PGAP2: variants seen among roughly 807,000 people sequenced by gnomAD.
PGAP2 encodes post-GPI attachment to proteins 2.
In PGAP2, 21 loss-of-function variants were observed where a neutral mutation model predicts 33.2. That is an observed-to-expected ratio of 0.63 (90% CI 0.45 to 0.91). The LOEUF (loss-of-function observed/expected upper bound fraction) is 0.91. Among genes scored for constraint, PGAP2 ranks in the 40% least tolerant of loss-of-function variants. PGAP2 has a pLI of 0.00. For synonymous variants in PGAP2, 161 were observed against 172.9 expected, an observed-to-expected ratio of 0.93 and a Z score of 0.54; for missense variants, 345 against 424.0, an observed-to-expected ratio of 0.81 and a Z score of 1.64.
intron 3 of PGAP2, chr11:3,823,039 TTTTTTTTTTTTTTTTG>T: frequency 1.7e-6 from 1 of 572,718 alleles, no homozygotes; most frequent in Non-Finnish European, 2.7e-6. Flanking sequence ...TTTTTTTTTT[TTTTTTTTTTTTTTTTG>T]AGACAGAGTC....
At position 3,822,763 on chromosome 11, in the gene PGAP2, C is replaced by T. The variant is rs943218040; in HGVS notation, c.349-1120C>T. 3.3e-5 allele frequency: 17 copies of T among 512,270 alleles called. No individual in the cohort carries two copies. In the South Asian group the frequency reaches 4.3e-4, roughly 13 times the overall value. 31.7% of individuals were successfully genotyped at this position (512,270 alleles called of 1,614,324 possible). A position where few individuals can be genotyped will look rare whatever the true frequency, so the allele number is the denominator to read the frequency against. On this transcript the variant is annotated intron_variant, in intron 3 of 6. Coordinates refer to ENST00000278243, the MANE Select transcript of PGAP2 (RefSeq NM_014489.4). Reference sequence around the variant, plus strand: ...AAGTTTGTGAAGCACTGCTCTAGGCCCTGGAGTCTAAGAGAGCCTCTTCCC... The same window carrying T: ...AAGTTTGTGAAGCACTGCTCTAGGCTCTGGAGTCTAAGAGAGCCTCTTCCC...
chr11:3,799,535 A>G (rs147188860), intron 1 of PGAP2, among the ~76,000 whole-genome samples: 1 of 152,176 alleles, frequency 6.6e-6, no homozygotes, highest in African/African-American at 2.4e-5. Context: ...AAAAATTTTT[A>G]AAAAACCTCC....
At position 3,825,574 on chromosome 11, in the gene PGAP2, G is replaced by T. The variant is rs576196225; in HGVS notation, c.*116G>T. 8.6e-6 allele frequency: 10 copies of T among 1,162,556 alleles called. No homozygotes were observed. Among genetic ancestry groups the T allele is most frequent in the African/African-American group, 1.5e-5 (1 of 64,986 alleles). The allele number at this position is 1,162,556 out of a possible 1,614,324, so 72.0% of individuals were successfully genotyped here. ...TTGGCCTTACTGAAGATGGGGGAAG[G>T]GTAAGAAGGAAGGGTGTAGGCCAAG... On this transcript the variant is annotated 3_prime_UTR_variant, in exon 7 of 7. Coordinates refer to ENST00000278243, the MANE Select transcript of PGAP2 (RefSeq NM_014489.4).
chr11:3,824,168 T>C (rs199812127), intron 4 of PGAP2, 33 bp downstream of exon 4: 437 of 1,613,504 alleles, frequency 2.7e-4, no homozygotes, highest in Non-Finnish European at 3.6e-4. Flanking sequence ...AGTGGGGAAG[T>C]GTTCCCTGAG....
intron 3 of PGAP2, 46 bp downstream of exon 3, chr11:3,817,581 G>C: frequency 1.3e-6 from 2 of 1,492,212 alleles, no homozygotes; most frequent in Non-Finnish European, 1.9e-6. Context: ...AGGTCAGGAG[G>C]TGGCAGTTAG....
chr11:3,813,987 T>G (rs2086186810), intron 2 of PGAP2, among the ~76,000 whole-genome samples: 1 of 152,126 alleles, frequency 6.6e-6, no homozygotes, highest in African/African-American at 2.4e-5. Context: ...CAGTACTAGG[T>G]CTGTGACCCT....
Position 3,814,748 on chromosome 11 carries a change from TTTTCTTTCTTTCTTTCTTTC to T in PGAP2, c.166-2559_166-2540del, listed in dbSNP as rs57460101. 7.7e-3 allele frequency among the ~76,000 whole-genome samples: 866 copies of T among 112,610 alleles called. 5 individuals are homozygous for T. The highest frequency in any genetic ancestry group is 0.013 in the African/African-American group (392 of 30,478). The allele number at this position is 112,610 out of a possible 152,430, so 73.9% of individuals were successfully genotyped here. A position where few individuals can be genotyped will look rare whatever the true frequency, so the allele number is the denominator to read the frequency against. On this transcript the variant is annotated intron_variant, in intron 2 of 6. Transcript: ENST00000278243. ...CTTTCCTTCTTTCCTTCTTTCCTTCTTTTCTTTCTTTCTTTCTTTCTTTCTTTCTTTCTTTCTTTCTTTCT... is the reference window on the plus strand; with the variant it reads ...CTTTCCTTCTTTCCTTCTTTCCTTCTTTTCTTTCTTTCTTTCTTTCTTTCT...
At chr11:3,813,507 C>T (rs1452558876) in intron 2 of PGAP2, among the ~76,000 whole-genome samples, 1 of 152,178 alleles carries the variant, frequency 6.6e-6, no homozygotes, top group Non-Finnish European at 1.5e-5. Context: ...CCTCAGCCTC[C>T]TGAGTAGCTA....
At chr11:3,817,246 G>A in intron 2 of PGAP2, 107 bp from the exon 3 acceptor site, 1 of 825,804 alleles carries the variant, frequency 1.2e-6, no homozygotes, top group South Asian at 1.6e-5. Flanking sequence ...TACCCTTTCT[G>A]CTCTGGCTTT....
intron 2 of PGAP2, among the ~76,000 whole-genome samples, chr11:3,817,150 G>A (rs1427186347): frequency 1.3e-5 from 2 of 152,046 alleles, no homozygotes; most frequent in East Asian, 3.9e-4. Context: ...CCTAAGCTCT[G>A]ACCCTGCCTG....
rs1425968418 is a variant in PGAP2 at position 3,812,994 on chromosome 11, A to G, written c.165+1570A>G. ...CCTATTATCTCAGATAATGCATCAG[A>G]TATTCCTGTTACGCTAGCCACTCCT... On this transcript the variant is annotated intron_variant, in intron 2 of 6. Coordinates refer to ENST00000278243, the MANE Select transcript of PGAP2 (RefSeq NM_014489.4). Among the ~76,000 whole-genome samples the G allele has an allele frequency of 2.6e-5, 4 of 152,160 alleles. No individual in the cohort carries two copies. In the East Asian group the frequency reaches 7.7e-4, roughly 29 times the overall value.
chr11:3,798,028 G>A, intron 1 of PGAP2: 5 of 1,537,314 alleles, frequency 3.3e-6, no homozygotes, highest in Non-Finnish European at 4.4e-6. Context: ...GGCGCTGCTG[G>A]GAAGGCTTCC....
intron 1 of PGAP2, among the ~76,000 whole-genome samples, chr11:3,802,442 G>T (rs2083591346): frequency 6.6e-6 from 1 of 152,152 alleles, no homozygotes; most frequent in Non-Finnish European, 1.5e-5. Flanking sequence ...CCGTTCTAAA[G>T]ACAAGGAGTT....
upstream of PGAP2, among the ~76,000 whole-genome samples, chr11:3,806,727 G>A (rs551724550): frequency 8.1e-4 from 123 of 152,252 alleles, no homozygotes; most frequent in Middle Eastern, 0.01. Context: ...GTAAAATGAG[G>A]ATATTAAATA....
intron 3 of PGAP2, among the ~76,000 whole-genome samples, chr11:3,818,600 C>T (rs560776866): frequency 3.3e-5 from 5 of 152,192 alleles, no homozygotes; most frequent in African/African-American, 9.7e-5. Context: ...GCCCCAGGCC[C>T]CACCACCTGT....
rs1215835625 is a variant in PGAP2 at position 3,811,051 on chromosome 11, G to A, written c.-10-199G>A. On this transcript the variant is annotated intron_variant, in intron 1 of 6. Transcript: ENST00000278243. This position sits in a 1 kb window ranked among gnomAD's most constrained non-coding sequence, Gnocchi z 4.6. ...GGTTCATTGTCTTCCCTCTGAAATT[G>A]AGGTGGAATGTTGTCTTGGGATTCT... 1.3e-5 allele frequency among the ~76,000 whole-genome samples: 2 copies of A among 152,170 alleles called. No homozygotes were observed. Among genetic ancestry groups the A allele is most frequent in the African/African-American group, 4.8e-5 (2 of 41,426 alleles).
intron 3 of PGAP2, among the ~76,000 whole-genome samples, chr11:3,821,473 T>C (rs55726541): frequency 0.02 from 3,097 of 152,306 alleles, 99 homozygotes; most frequent in African/African-American, 0.071. Context: ...AAATCCATAT[T>C]CTTGCTGGGG....
In PGAP2 at chr11:3,824,612, C is replaced by T. The variant is rs1371257762; in HGVS notation, c.708+236C>T. On this transcript the variant is annotated intron_variant, in intron 5 of 6. Transcript: ENST00000278243. ...GACTGGAGAATAGAAGAGATGGAGG[C>T]TGCAAATGGGGATAGAATGAGGAGT... 4 of 703,092 alleles carry T rather than the reference C, an allele frequency of 5.7e-6. No homozygotes were observed. In the African/African-American group the frequency reaches 7.1e-5, roughly 13 times the overall value. The allele number at this position is 703,092 out of a possible 1,614,324, so 43.6% of individuals were successfully genotyped here. A position where few individuals can be genotyped will look rare whatever the true frequency, so the allele number is the denominator to read the frequency against.
chr11:3,823,011 T>A, intron 3 of PGAP2: 1 of 1,053,986 alleles, frequency 9.5e-7, no homozygotes, highest in South Asian at 1.6e-5. Context: ...GCACCCACTT[T>A]CTTTTTTCTT....
Sources: allele counts gnomAD v4.1 joint callset (sites outside exome capture counted in the v4.1 genomes callset), GRCh38; gene constraint gnomAD v4.1.1; non-coding constraint Gnocchi (gnomAD v3.1); transcripts MANE v1.5; gene names NCBI Gene and HGNC (gene_info 2026-07-23, HGNC 2026-07-21).